SPART: variants seen among roughly 807,000 people sequenced by gnomAD.
The protein encoded by SPART is spastic paraplegia 20 (Troyer syndrome).
A neutral mutation model predicts 58.7 loss-of-function variants in SPART; 35 were observed. The ratio of observed to expected loss-of-function variants is 0.60; its 90% CI spans 0.46 to 0.79. SPART has a LOEUF of 0.79. SPART is among the 30% of genes least tolerant of loss of function. The pLI, the probability that SPART is intolerant of heterozygous loss-of-function variation, is 0.00. For synonymous variants in SPART, 284 were observed against 280.7 expected (o/e 1.01, Z -0.12); for missense variants, 730 against 786.1 (o/e 0.93, Z 0.85).
chr13:36,339,627 C>CAAAAAAAAAAAA (rs71084420), intron 1 of SPART, among the ~76,000 whole-genome samples: 6 of 38,802 alleles, frequency 1.5e-4, no homozygotes, highest in Admixed American at 4.3e-4. Flanking sequence ...ACGACTCCAT[C>CAAAAAAAAAAAA]AAAAAAAAAA....
upstream of SPART, among the ~76,000 whole-genome samples, chr13:36,348,110 AC>A (rs1489291923): frequency 6.6e-6 from 1 of 152,008 alleles, no homozygotes. Flanking sequence ...ACATGACGAA[AC>A]CCGTCCCTAC....
At chr13:36,347,132 T>G (rs1308136132), upstream of SPART, among the ~76,000 whole-genome samples, 1 of 149,970 alleles carries the variant, frequency 6.7e-6, no homozygotes, top group Admixed American at 6.7e-5. Flanking sequence ...GACTCTTCAA[T>G]AGGGCTGCCT....
At chr13:36,320,293 C>G (rs955722602) in intron 5 of SPART, among the ~76,000 whole-genome samples, 59 of 152,270 alleles carry the variant, frequency 3.9e-4, no homozygotes, top group Admixed American at 3.5e-3. Flanking sequence ...GCCCAGACTC[C>G]AATCCGGCCT....
In SPART at chr13:36,304,129, C is replaced by G; in HGVS notation, c.*236G>C. ...TTTACCTGCAAAAATATTTTAGCTACACTTGGAAAAAAATAAACTTGAGAA... is the reference window on the plus strand; with the variant it reads ...TTTACCTGCAAAAATATTTTAGCTAGACTTGGAAAAAAATAAACTTGAGAA... On this transcript the variant is annotated 3_prime_UTR_variant, in exon 9 of 9. Coordinates refer to ENST00000438666, the MANE Select transcript of SPART (RefSeq NM_015087.5). 1.8e-6 allele frequency: 1 copy of G among 570,632 alleles called. No individual in the cohort carries two copies. The highest frequency in any genetic ancestry group is 3.1e-6 in the Non-Finnish European group (1 of 325,348). The allele number at this position is 570,632 out of a possible 1,614,324, so 35.3% of individuals were successfully genotyped here.
chr13:36,327,656 G>A (rs557245897), intron 4 of SPART, among the ~76,000 whole-genome samples: 26 of 151,996 alleles, frequency 1.7e-4, no homozygotes, highest in Non-Finnish European at 2.8e-4. Flanking sequence ...ATTTAACTAC[G>A]CATAAAATAT....
chr13:36,342,405 C>T (rs1453554425), intron 1 of SPART, among the ~76,000 whole-genome samples: 4 of 151,998 alleles, frequency 2.6e-5, no homozygotes, highest in South Asian at 2.1e-4. Context: ...ATACATGGCC[C>T]CAAAAGCCTA....
chr13:36,314,048 T>C (rs902827900), intron 6 of SPART, 179 bp downstream of exon 6: 4 of 636,944 alleles, frequency 6.3e-6, no homozygotes, highest in Non-Finnish European at 8.0e-6. Flanking sequence ...GGATTCCAGA[T>C]AGGACGATGT....
chr13:36,338,320 C>G (rs1432110923), intron 1 of SPART, among the ~76,000 whole-genome samples: 1 of 152,124 alleles, frequency 6.6e-6, no homozygotes, highest in African/African-American at 2.4e-5. Context: ...GTCAACAGTA[C>G]TTGGTGTCAA....
intron 3 of SPART, among the ~76,000 whole-genome samples, chr13:36,330,077 A>C (rs1342266124): frequency 2.0e-5 from 3 of 152,220 alleles, no homozygotes; most frequent in African/African-American, 7.2e-5. Context: ...CCAAAAAATT[A>C]AATTGAAGAC....
At chr13:36,358,685 G>A (rs1885717790) in intron 1 of SPART, among the ~76,000 whole-genome samples, 2 of 152,140 alleles carry the variant, frequency 1.3e-5, no homozygotes, top group Non-Finnish European at 2.9e-5. Flanking sequence ...ACTATATTTA[G>A]TCACAAGGTT....
chr13:36,368,192 T>C, intron 1 of SPART: 1 of 464,202 alleles, frequency 2.2e-6, no homozygotes, highest in South Asian at 1.6e-5. Flanking sequence ...CCTTTCTCCC[T>C]TCCAGCATGT....
At chr13:36,364,126 G>A (rs534782391) in intron 1 of SPART, among the ~76,000 whole-genome samples, 8 of 152,166 alleles carry the variant, frequency 5.3e-5, no homozygotes, top group East Asian at 3.9e-4. Flanking sequence ...ACGCTATTCC[G>A]TTTTCATTCT....
intron 1 of SPART, among the ~76,000 whole-genome samples, chr13:36,338,295 T>C (rs548851595): frequency 6.6e-6 from 1 of 152,014 alleles, no homozygotes; most frequent in East Asian, 1.9e-4. Context: ...CAAGGACAAA[T>C]AGGGAAGATG....
chr13:36,361,788 T>C (rs1457883982), intron 1 of SPART, among the ~76,000 whole-genome samples: 1 of 152,238 alleles, frequency 6.6e-6, no homozygotes, highest in Non-Finnish European at 1.5e-5. Context: ...TTTACATTTT[T>C]AATTATACTA....
intron 1 of SPART, among the ~76,000 whole-genome samples, chr13:36,340,433 G>C (rs572865221): frequency 9.8e-4 from 149 of 152,008 alleles, no homozygotes; most frequent in African/African-American, 3.5e-3. Context: ...TGACATTTTA[G>C]AACACTAAGC....
intron 1 of SPART, among the ~76,000 whole-genome samples, chr13:36,355,112 T>G (rs549566651): frequency 4.6e-5 from 7 of 152,318 alleles, no homozygotes; most frequent in African/African-American, 1.7e-4. Flanking sequence ...GCAGTGATCT[T>G]TAGAACAGAT....
At chr13:36,323,197 T>C (rs889856892) in intron 5 of SPART, among the ~76,000 whole-genome samples, 1 of 152,170 alleles carries the variant, frequency 6.6e-6, no homozygotes, top group Non-Finnish European at 1.5e-5. Flanking sequence ...TAAATTAAAT[T>C]GGGAAAGACT....
At chr13:36,337,518 C>A (rs1425570542) in intron 1 of SPART, among the ~76,000 whole-genome samples, 1 of 152,204 alleles carries the variant, frequency 6.6e-6, no homozygotes, top group Non-Finnish European at 1.5e-5. Flanking sequence ...GTTTTTCCAG[C>A]TTTTGCTAGC....
chr13:36,309,800 G>A (rs933916383), intron 8 of SPART, among the ~76,000 whole-genome samples: 3 of 152,070 alleles, frequency 2.0e-5, no homozygotes, highest in Non-Finnish European at 2.9e-5. Flanking sequence ...TGAGTGATGG[G>A]ATCATTTGTA....
Sources: allele counts gnomAD v4.1 joint callset (sites outside exome capture counted in the v4.1 genomes callset), GRCh38; gene constraint gnomAD v4.1.1; transcripts MANE v1.5; gene names NCBI Gene and HGNC (gene_info 2026-07-23, HGNC 2026-07-21).